Variants in DRC11 observed in about 807,000 individuals in gnomAD.
DRC11 encodes the protein dynein regulatory complex subunit 11.
At chr2:236,321,459 A>G in the DRC11 span, among the ~76,000 whole-genome samples, 1 of 152,152 alleles carries the variant, frequency 6.6e-6, no homozygotes, top group Non-Finnish European at 1.5e-5. Context: ...GAATATGAGT[A>G]TGTGTGTGAG....
At chr2:236,458,865 T>C in the DRC11 span, among the ~76,000 whole-genome samples, 1 of 152,002 alleles carries the variant, frequency 6.6e-6, no homozygotes, top group Admixed American at 6.6e-5. Flanking sequence ...GCCAACATGG[T>C]GAAACCCTGT....
chr2:236,343,878 T>G, the DRC11 span: 2 of 535,574 alleles, frequency 3.7e-6, no homozygotes, highest in African/African-American at 3.9e-5. The surrounding 1 kb of genome is among the most constrained non-coding windows in gnomAD (Gnocchi z 6.6). Context: ...TTTATCCAAA[T>G]CATCTCTACC....
chr2:236,388,844 T>C, the DRC11 span, among the ~76,000 whole-genome samples: 7 of 151,830 alleles, frequency 4.6e-5, no homozygotes, highest in African/African-American at 1.7e-4. Flanking sequence ...GTTTTTGGTG[T>C]GGATGTCCTT....
At chr2:236,393,625 A>T in the DRC11 span, among the ~76,000 whole-genome samples, 1 of 152,234 alleles carries the variant, frequency 6.6e-6, no homozygotes, top group Non-Finnish European at 1.5e-5. This position sits in a 1 kb window ranked among gnomAD's most constrained non-coding sequence, Gnocchi z 4.7. Flanking sequence ...AACAAACCAC[A>T]GAGGACCAGG....
chr2:236,459,588 CGT>C, the DRC11 span, among the ~76,000 whole-genome samples: 1 of 138,542 alleles, frequency 7.2e-6, no homozygotes, highest in South Asian at 2.1e-4. Context: ...TACGTATATA[CGT>C]ATACGTATAC....
the DRC11 span, chr2:236,412,777 C>T: frequency 6.6e-6 from 1 of 152,220 alleles, no homozygotes; most frequent in Admixed American, 6.5e-5. Flanking sequence ...TTCATCTGAG[C>T]ATTTATTCAT....
the DRC11 span, among the ~76,000 whole-genome samples, chr2:236,313,914 T>C: frequency 6.6e-6 from 1 of 151,498 alleles, no homozygotes; most frequent in East Asian, 1.9e-4. The surrounding 1 kb of genome is among the most constrained non-coding windows in gnomAD (Gnocchi z 4.5). Flanking sequence ...GGAAGAGGAG[T>C]AGGAGGGAAG....
chr2:236,327,922 T>C, the DRC11 span, among the ~76,000 whole-genome samples: 3 of 152,258 alleles, frequency 2.0e-5, no homozygotes, highest in African/African-American at 4.8e-5. Flanking sequence ...CCTCAGGTGA[T>C]CTGCCCGCCT....
At chr2:236,454,471 C>T in the DRC11 span, among the ~76,000 whole-genome samples, 1 of 152,212 alleles carries the variant, frequency 6.6e-6, no homozygotes, top group African/African-American at 2.4e-5. The surrounding 1 kb of genome is among the most constrained non-coding windows in gnomAD (Gnocchi z 5.3). Context: ...GAGTAACCTA[C>T]ACATGGTTCA....
chr2:236,380,386 T>A, the DRC11 span, among the ~76,000 whole-genome samples: 1 of 152,242 alleles, frequency 6.6e-6, no homozygotes. The surrounding 1 kb of genome is among the most constrained non-coding windows in gnomAD (Gnocchi z 4.9). Context: ...CAGGTTTGCC[T>A]TCTGGGCCAC....
the DRC11 span, among the ~76,000 whole-genome samples, chr2:236,493,534 T>C: frequency 6.6e-6 from 1 of 152,230 alleles, no homozygotes; most frequent in East Asian, 1.9e-4. Flanking sequence ...TTAAGTAGCA[T>C]ATCTCAGTGT....
At chr2:236,396,458 C>A in the DRC11 span, among the ~76,000 whole-genome samples, 1 of 152,082 alleles carries the variant, frequency 6.6e-6, no homozygotes, top group African/African-American at 2.4e-5. Flanking sequence ...AACATCCAAC[C>A]AGGAAAATGA....
At chr2:236,352,637 A>AT in the DRC11 span, among the ~76,000 whole-genome samples, 1 of 152,196 alleles carries the variant, frequency 6.6e-6, no homozygotes, top group Admixed American at 6.5e-5. The surrounding 1 kb of genome is among the most constrained non-coding windows in gnomAD (Gnocchi z 7.0). Flanking sequence ...CCCTCCACCT[A>AT]GAATCAACCG....
At chr2:236,445,070 G>A in the DRC11 span, among the ~76,000 whole-genome samples, 4 of 152,200 alleles carry the variant, frequency 2.6e-5, no homozygotes, top group Admixed American at 1.3e-4. The surrounding 1 kb of genome is among the most constrained non-coding windows in gnomAD (Gnocchi z 4.8). Context: ...TGACAGCACT[G>A]TTTTCTTCAG....
chr2:236,482,448 C>T, the DRC11 span, among the ~76,000 whole-genome samples: 1 of 152,164 alleles, frequency 6.6e-6, no homozygotes, highest in Admixed American at 6.5e-5. This position sits in a 1 kb window ranked among gnomAD's most constrained non-coding sequence, Gnocchi z 4.5. Flanking sequence ...CTTAACTATC[C>T]TGTGGCAACT....
the DRC11 span, among the ~76,000 whole-genome samples, chr2:236,392,550 A>G: frequency 1.3e-5 from 2 of 152,172 alleles, no homozygotes; most frequent in South Asian, 2.1e-4. This position sits in a 1 kb window ranked among gnomAD's most constrained non-coding sequence, Gnocchi z 5.1. Flanking sequence ...TTGTAAATGC[A>G]CTAAAAAAAG....
the DRC11 span, among the ~76,000 whole-genome samples, chr2:236,445,415 C>T: frequency 2.6e-5 from 4 of 152,196 alleles, no homozygotes; most frequent in South Asian, 8.3e-4. This position sits in a 1 kb window ranked among gnomAD's most constrained non-coding sequence, Gnocchi z 4.8. Flanking sequence ...TCACTGCAAC[C>T]TCTGCCTTCT....
the DRC11 span, among the ~76,000 whole-genome samples, chr2:236,422,607 G>A: frequency 6.6e-6 from 1 of 152,150 alleles, no homozygotes; most frequent in African/African-American, 2.4e-5. Flanking sequence ...AATCAATATC[G>A]TGAAAATGGC....
At chr2:236,399,471 C>G in the DRC11 span, 1 of 1,613,888 alleles carries the variant, frequency 6.2e-7, no homozygotes, top group Admixed American at 1.7e-5. The surrounding 1 kb of genome is among the most constrained non-coding windows in gnomAD (Gnocchi z 7.0). Context: ...GTGACATTTT[C>G]CATTTTTCGT....
Sources: allele counts gnomAD v4.1 joint callset (sites outside exome capture counted in the v4.1 genomes callset), GRCh38; gene constraint gnomAD v4.1.1; non-coding constraint Gnocchi (gnomAD v3.1); transcripts MANE v1.5; gene names NCBI Gene and HGNC (gene_info 2026-07-23, HGNC 2026-07-21).